Variants in IFNAR2 observed in about 807,000 individuals in gnomAD.
IFNAR2 encodes interferon alpha/beta receptor 2.
IFNAR2 carries 30 observed loss-of-function variants against 49.4 expected under a neutral mutation model. That is an observed-to-expected ratio of 0.61 (90% CI 0.45 to 0.82). The LOEUF is 0.82. Ranked by LOEUF, IFNAR2 falls within the 40% of genes least tolerant of loss-of-function variation. The pLI is 0.00. For missense variants in IFNAR2, 600 were observed against 622.7 expected (o/e 0.96, Z 0.39); for synonymous variants, 224 against 234.5 (o/e 0.96, Z 0.41).
At chr21:33,261,489 G>A (rs1398943657) in intron 8 of IFNAR2, among the ~76,000 whole-genome samples, 2 of 152,148 alleles carry the variant, frequency 1.3e-5, no homozygotes, top group Non-Finnish European at 2.9e-5. Context: ...TGGTGATGAT[G>A]AATAGTACAA....
chr21:33,238,728 G>A (rs1986677928), intron 1 of IFNAR2, among the ~76,000 whole-genome samples: 1 of 151,216 alleles, frequency 6.6e-6, no homozygotes, highest in African/African-American at 2.4e-5. Context: ...GACAAACTGG[G>A]GAGAGAAGAA....
rs202164160 is a variant in IFNAR2 at position 33,263,038 on chromosome 21, G to A, written c.1086G>A (p.Pro362=). 5.6e-5 allele frequency: 91 copies of A among 1,614,144 alleles called. No individual in the cohort carries two copies. In the East Asian group the frequency reaches 6.5e-4, roughly 11 times the overall value. ...ATSTESQLID[P]ESEEEPDLPE... is the part of the protein sequence containing the mutation. ...CTACAGAATCCCAGTTGATAGACCC[G>A]GAGTCCGAGGAGGAGCCTGACCTGC... The change falls in exon 9 of 9, where the codon CCG becomes CCA. Residue 362 remains proline, a synonymous_variant. Coordinates refer to ENST00000342136, the MANE Select transcript of IFNAR2 (RefSeq NM_001289125.3).
At chr21:33,236,316 A>G (rs1299393579) in intron 1 of IFNAR2, among the ~76,000 whole-genome samples, 1 of 152,028 alleles carries the variant, frequency 6.6e-6, no homozygotes, top group African/African-American at 2.4e-5. Context: ...CCCTCCTGCT[A>G]GCTTCCCCTC....
In IFNAR2 at chr21:33,230,476, G is replaced by T. The variant is rs1429763854; in HGVS notation, c.-84+260G>T. ...CCTCCACGCGTCGCCCCTGCTGGGA[G>T]TCCGCTTTCGTTGCACCCCTCCGCG... is the stretch of plus-strand genomic sequence containing the variant. On this transcript the variant is annotated intron_variant, in intron 1 of 8. Coordinates refer to ENST00000342136, the MANE Select transcript of IFNAR2 (RefSeq NM_001289125.3). This position sits in a 1 kb window ranked among gnomAD's most constrained non-coding sequence, Gnocchi z 5.5. 4.7e-5 allele frequency: 22 copies of T among 470,078 alleles called. No homozygotes were observed. The highest frequency in any genetic ancestry group is 9.3e-5 in the Non-Finnish European group (21 of 226,970). The allele number at this position is 470,078 out of a possible 1,614,324, so 29.1% of individuals were successfully genotyped here. A position where few individuals can be genotyped will look rare whatever the true frequency, so the allele number is the denominator to read the frequency against.
At chr21:33,231,051 A>G (rs1163108233) in intron 1 of IFNAR2, among the ~76,000 whole-genome samples, 1 of 152,060 alleles carries the variant, frequency 6.6e-6, no homozygotes, top group East Asian at 1.9e-4. Flanking sequence ...AGTCTTAGAA[A>G]CGAATATAGC....
In IFNAR2 at chr21:33,243,673, T is replaced by C. The variant is rs1286009698; in HGVS notation, c.56T>C (p.Val19Ala). The part of the protein sequence containing the change: ...IFRSLNLVLM[V>A]YISLVFGISY... ...CTCTAATGTGTTTTCTTCCTTCTAG[T>C]GTATATCAGCCTCGTGTTTGGTATT... The change falls in exon 3 of 9, where the codon GTG (valine) becomes GCG (alanine). Residue 19 changes from valine (V) to alanine (A), a missense_variant and splice_region_variant. Physicochemically the swap from Val to Ala is moderately conservative, Grantham distance 64. Coordinates refer to ENST00000342136, the MANE Select transcript of IFNAR2 (RefSeq NM_001289125.3). 6.2e-7 allele frequency: 1 copy of C among 1,612,910 alleles called. No individual in the cohort carries two copies. Among genetic ancestry groups the C allele is most frequent in the Admixed American group, 1.7e-5 (1 of 59,986 alleles).
In IFNAR2 at chr21:33,263,180, G is replaced by T. The variant is rs376817059; in HGVS notation, c.1228G>T (p.Asp410Tyr). 1 of 1,614,090 alleles carries T rather than the reference G, an allele frequency of 6.2e-7. No individual in the cohort carries two copies. The highest frequency in any genetic ancestry group is 8.5e-7 in the Non-Finnish European group (1 of 1,180,052). The change falls in exon 9 of 9, where the codon GAC (aspartate) becomes TAC (tyrosine). Residue 410 changes from aspartate to tyrosine, a missense_variant. Physicochemically the swap from Asp to Tyr is radical, Grantham distance 160. Transcript: ENST00000342136. Reference protein sequence around the residue: ...SPLQDPFPEEDYSSTEGSGGR... With the variant: ...SPLQDPFPEEYYSSTEGSGGR... ...ACTCCAGGACCCTTTTCCCGAAGAG[G>T]ACTACAGCTCCACGGAGGGGTCTGG...
intron 1 of IFNAR2, chr21:33,234,658 A>G (rs928725423): frequency 4.8e-5 from 35 of 733,944 alleles, no homozygotes; most frequent in Middle Eastern, 6.9e-4. Context: ...TGGGCCTTGA[A>G]AATTGGCAGG....
At chr21:33,239,254 C>G (rs964093086) in intron 1 of IFNAR2, among the ~76,000 whole-genome samples, 1 of 152,140 alleles carries the variant, frequency 6.6e-6, no homozygotes, top group African/African-American at 2.4e-5. Flanking sequence ...TGTGTTCAGC[C>G]GATGGGGAGC....
chr21:33,236,954 A>G (rs1986508000), intron 1 of IFNAR2: 1 of 774,972 alleles, frequency 1.3e-6, no homozygotes, highest in Non-Finnish European at 1.6e-6. Flanking sequence ...GCACGATGCC[A>G]AGATGGGATA....
intron 6 of IFNAR2, chr21:33,252,249 G>A: frequency 2.2e-6 from 1 of 458,174 alleles, no homozygotes; most frequent in Non-Finnish European, 4.5e-6. Flanking sequence ...TTGAATGGAG[G>A]TAATGCCTAT....
chr21:33,245,184 C>T (rs1987307457), intron 4 of IFNAR2, 110 bp downstream of exon 4: 1 of 762,472 alleles, frequency 1.3e-6, no homozygotes, highest in Non-Finnish European at 2.2e-6. Flanking sequence ...TCCTATCTAC[C>T]TCTCCTTCTC....
intron 8 of IFNAR2, 26 bp downstream of exon 8, chr21:33,260,753 G>GT (rs779544730): frequency 7.1e-6 from 10 of 1,413,622 alleles, no homozygotes; most frequent in Middle Eastern, 3.8e-4. Flanking sequence ...GTTTTGTTTT[G>GT]TTTTTTCTAT....
rs1243904936 is a variant in IFNAR2 at position 33,241,961 on chromosome 21, T to G, written c.39T>G (p.Leu13=). 14 of 1,612,766 alleles carry G rather than the reference T, an allele frequency of 8.7e-6. No individual in the cohort carries two copies. The highest frequency in any genetic ancestry group is 1.2e-5 in the Non-Finnish European group (14 of 1,179,436). ...AGAATGCCTTCATCTTCAGATCACT[T>G]AATTTGGTTCTCATGGGTAAGTGCT... ...LSQNAFIFRS[L]NLVLMVYISL... Residue 13 remains leucine, a synonymous_variant, in exon 2 of 9, where the codon CTT becomes CTG. Coordinates refer to ENST00000342136, the MANE Select transcript of IFNAR2 (RefSeq NM_001289125.3).
chr21:33,245,173 T>G (rs1398533334), intron 4 of IFNAR2, 99 bp downstream of exon 4: 11 of 900,266 alleles, frequency 1.2e-5, no homozygotes, highest in Admixed American at 6.1e-5. Context: ...CCTCTCCCTT[T>G]TCCTATCTAC....
intron 1 of IFNAR2, among the ~76,000 whole-genome samples, chr21:33,237,110 T>TGTGTGTGTGTGTGTGTGTGTG (rs1439441197): frequency 6.7e-6 from 1 of 148,506 alleles, no homozygotes; most frequent in African/African-American, 2.5e-5. Context: ...TGTGTGTGTG[T>TGTGTGTGTGTGTGTGTGTGTG]TTTCTCGGCT....
At position 33,231,223 on chromosome 21, in the gene IFNAR2, G is replaced by C. The variant is rs1204449863; in HGVS notation, c.-84+1007G>C. On this transcript the variant is annotated intron_variant, in intron 1 of 8. Coordinates refer to ENST00000342136, the MANE Select transcript of IFNAR2 (RefSeq NM_001289125.3). Reference sequence around the variant, plus strand: ...CCCTATCCACCTGTGCAGGCTTGAGGGGGTGAGGGGGTAGCAGATACTCTA... The same window carrying C: ...CCCTATCCACCTGTGCAGGCTTGAGCGGGTGAGGGGGTAGCAGATACTCTA... Among the ~76,000 whole-genome samples, 6 of 152,252 alleles carry C rather than the reference G, an allele frequency of 3.9e-5. No homozygotes were observed. The East Asian group carries it at 1.2e-3, about 29-fold the overall frequency.
chr21:33,263,141 A>T lies in IFNAR2; in HGVS notation c.1189A>T (p.Arg397Trp). Residue 397 changes from arginine to tryptophan, a missense_variant, in exon 9 of 9, where the codon AGG becomes TGG. By Grantham distance (101) the Arg-to-Trp change is moderately radical. Coordinates refer to ENST00000342136, the MANE Select transcript of IFNAR2 (RefSeq NM_001289125.3). Reference protein sequence around the residue: ...QLELLSGPCERRKSPLQDPFP... With the variant: ...QLELLSGPCEWRKSPLQDPFP... The stretch of plus-strand genomic sequence containing the variant: ...GGAACTCTTGAGTGGGCCCTGTGAG[A>T]GGAGAAAGAGTCCACTCCAGGACCC... The T allele has an allele frequency of 6.2e-7, 1 of 1,614,186 alleles. No individual in the cohort carries two copies. Among genetic ancestry groups the T allele is most frequent in the Non-Finnish European group, 8.5e-7 (1 of 1,180,030 alleles).
intron 6 of IFNAR2, among the ~76,000 whole-genome samples, chr21:33,249,079 C>G (rs1424841226): frequency 6.6e-6 from 1 of 152,224 alleles, no homozygotes; most frequent in African/African-American, 2.4e-5. Context: ...CCTGGTGGCT[C>G]ACGCCTATAA....
Sources: allele counts gnomAD v4.1 joint callset (sites outside exome capture counted in the v4.1 genomes callset), GRCh38; gene constraint gnomAD v4.1.1; non-coding constraint Gnocchi (gnomAD v3.1); transcripts MANE v1.5; gene names NCBI Gene and HGNC (gene_info 2026-07-23, HGNC 2026-07-21).